Variants in RUVBL1 observed in about 807,000 individuals in gnomAD.
The protein encoded by RUVBL1 is ruvB-like 1.
A neutral mutation model predicts 52.4 loss-of-function variants in RUVBL1; 4 were observed. That is an observed-to-expected ratio of 0.08 (90% CI 0.04 to 0.17). The LOEUF (loss-of-function observed/expected upper bound fraction) is 0.17. Ranked by LOEUF, RUVBL1 falls within the 10% of genes least tolerant of loss-of-function variation. The probability of loss-of-function intolerance (pLI) is 1.00; values close to 1 mark genes in which losing one functional copy is unlikely to be tolerated. For synonymous variants in RUVBL1, 217 were observed against 214.4 expected (o/e 1.01, Z -0.10); for missense variants, 298 against 572.8 (o/e 0.52, Z 4.90).
chr3:128,152,426 T>G (rs1413197042), intron 1 of RUVBL1, among the ~76,000 whole-genome samples: 1 of 152,208 alleles, frequency 6.6e-6, no homozygotes. Context: ...AACTCCTAGA[T>G]GTCTTCCCTG....
chr3:128,107,856 A>C (rs1002098158), intron 3 of RUVBL1, among the ~76,000 whole-genome samples: 17 of 152,364 alleles, frequency 1.1e-4, no homozygotes, highest in African/African-American at 3.8e-4. Flanking sequence ...CCACAGCGAT[A>C]AATTCCTTCA....
intron 1 of RUVBL1, among the ~76,000 whole-genome samples, chr3:128,152,786 A>G (rs1559843036): frequency 6.6e-6 from 1 of 152,000 alleles, no homozygotes; most frequent in Non-Finnish European, 1.5e-5. Flanking sequence ...CAGCAGCAAG[A>G]TTTATTGTGA....
chr3:128,153,695 G>C, exon 1 of RUVBL1: 1 of 1,589,012 alleles, frequency 6.3e-7, no homozygotes. Context: ...CTGCCCGCGC[G>C]CCTGCGGTCG....
chr3:128,088,066 C>T (rs548220444), intron 8 of RUVBL1, among the ~76,000 whole-genome samples: 1 of 152,036 alleles, frequency 6.6e-6, no homozygotes, highest in South Asian at 2.1e-4. Context: ...AGTTCAAGAA[C>T]GGCTGGCCAA....
chr3:128,105,523 T>A (rs1943211738), intron 3 of RUVBL1, among the ~76,000 whole-genome samples: 1 of 152,134 alleles, frequency 6.6e-6, no homozygotes, highest in Non-Finnish European at 1.5e-5. Context: ...GGGGTGAAAT[T>A]TACCTTTAGC....
chr3:128,065,113 A>G, exon 10 of RUVBL1: 1 of 1,434,130 alleles, frequency 7.0e-7, no homozygotes, highest in Non-Finnish European at 9.8e-7. Flanking sequence ...GCAGTCCCCC[A>G]CTCTGTGGGG....
intron 9 of RUVBL1, chr3:128,083,357 C>T (rs990953720): frequency 3.3e-5 from 5 of 152,178 alleles, no homozygotes; most frequent in Non-Finnish European, 7.3e-5. Flanking sequence ...ATCAAGAAGC[C>T]CTTGTTGAAA....
intron 9 of RUVBL1, among the ~76,000 whole-genome samples, chr3:128,086,017 T>C (rs187974647): frequency 6.6e-6 from 1 of 152,294 alleles, no homozygotes; most frequent in East Asian, 1.9e-4. Context: ...CTCATCTGTC[T>C]TTTTTTGAGA....
intron 3 of RUVBL1, among the ~76,000 whole-genome samples, chr3:128,111,133 G>A (rs150413497): frequency 0.016 from 2,425 of 151,326 alleles, 49 homozygotes; most frequent in African/African-American, 0.056. Context: ...GCTGAGGCAC[G>A]AGAATCGCTT....
chr3:128,087,756 G>T lies in RUVBL1; in HGVS notation c.1069C>A (p.Arg357=), dbSNP rs949710384. 1.1e-5 allele frequency: 17 copies of T among 1,613,858 alleles called. No individual in the cohort carries two copies. The highest frequency in any genetic ancestry group is 1.4e-5 in the Non-Finnish European group (16 of 1,179,980). ...AGCATGGTCCGGATTATCATCACTC[G>T]GTCCAGAAGGTCAAGAGGGATGCCG... ...PHGIPLDLLD[R]VMIIRTMLYT... Residue 357 remains arginine, a synonymous_variant, in exon 9 of 11, where the codon CGA becomes AGA. Coordinates refer to ENST00000322623, the MANE Select transcript of RUVBL1 (RefSeq NM_003707.3).
At chr3:128,109,978 G>A (rs530232088) in intron 3 of RUVBL1, among the ~76,000 whole-genome samples, 15 of 151,748 alleles carry the variant, frequency 9.9e-5, no homozygotes, top group African/African-American at 2.4e-4. Flanking sequence ...ACCATGCCCC[G>A]CTAATTTTTT....
rs953610795 is a variant in RUVBL1 at position 128,087,642 on chromosome 3, C to G, written c.1119+64G>C. ...TCCAAGCCGCAGATACCTTTCTGCACAGCCACCAGTGAACACTGGGAGCAA... is the reference window on the plus strand; with the variant it reads ...TCCAAGCCGCAGATACCTTTCTGCAGAGCCACCAGTGAACACTGGGAGCAA... On this transcript the variant is annotated intron_variant, in intron 9 of 10. Coordinates refer to ENST00000322623, the MANE Select transcript of RUVBL1 (RefSeq NM_003707.3). The G allele has an allele frequency of 3.0e-6, 4 of 1,322,820 alleles. No homozygotes were observed. In the African/African-American group the frequency reaches 5.9e-5, roughly 19 times the overall value. The allele number at this position is 1,322,820 out of a possible 1,614,324, so 81.9% of individuals were successfully genotyped here.
chr3:128,065,071 G>A, exon 10 of RUVBL1: 2 of 1,610,874 alleles, frequency 1.2e-6, no homozygotes, highest in Non-Finnish European at 1.7e-6. Flanking sequence ...GAGTTTCCAT[G>A]GTCTGGATTT....
chr3:128,141,034 A>G (rs1944013343), intron 1 of RUVBL1, among the ~76,000 whole-genome samples: 1 of 152,100 alleles, frequency 6.6e-6, no homozygotes, highest in South Asian at 2.1e-4. Context: ...TTTTTATTGT[A>G]TTTATTTTTG....
rs749955760 is a variant in RUVBL1, at chr3:128,082,523, G to C, written c.1171C>G (p.Leu391Val). 6.2e-7 allele frequency: 1 copy of C among 1,613,996 alleles called. No homozygotes were observed. Among genetic ancestry groups the C allele is most frequent in the East Asian group, 2.2e-5 (1 of 44,886 alleles). ...GTGCCAATCTCCCCCAGGTGGTTCA[G>C]TGCCTCCTCACTGATGTTGATTCCT... ...TEGINISEEA[L>V]NHLGEIGTKT... Residue 391 changes from leucine to valine, a missense_variant, in exon 10 of 11, where the codon CTG (leucine) becomes GTG (valine). Coordinates refer to ENST00000322623, the MANE Select transcript of RUVBL1 (RefSeq NM_003707.3). This position sits in a 1 kb window ranked among gnomAD's most constrained non-coding sequence, Gnocchi z 4.7.
chr3:128,142,774 C>CT (rs1559837766), intron 1 of RUVBL1, among the ~76,000 whole-genome samples: 1 of 152,126 alleles, frequency 6.6e-6, no homozygotes, highest in Non-Finnish European at 1.5e-5. Context: ...TCTGACCCTC[C>CT]TGCCTCTCTC....
chr3:128,066,116 T>G (rs1941970197), intron 9 of RUVBL1, among the ~76,000 whole-genome samples: 4 of 152,120 alleles, frequency 2.6e-5, no homozygotes, highest in Non-Finnish European at 5.9e-5. Flanking sequence ...AAATAAACCC[T>G]TTCTAGTCTC....
intron 7 of RUVBL1, 134 bp downstream of exon 7, chr3:128,098,748 C>T: frequency 5.3e-6 from 4 of 756,190 alleles, no homozygotes; most frequent in Non-Finnish European, 9.0e-6. Flanking sequence ...GAGTCAAGCT[C>T]TAAGCTATGA....
At chr3:128,089,039 G>A (rs1942745486) in intron 8 of RUVBL1, among the ~76,000 whole-genome samples, 1 of 152,146 alleles carries the variant, frequency 6.6e-6, no homozygotes, top group Non-Finnish European at 1.5e-5. Context: ...GCACTACCGA[G>A]TATTCTCATT....
Sources: allele counts gnomAD v4.1 joint callset (sites outside exome capture counted in the v4.1 genomes callset), GRCh38; gene constraint gnomAD v4.1.1; non-coding constraint Gnocchi (gnomAD v3.1); transcripts MANE v1.5; gene names NCBI Gene and HGNC (gene_info 2026-07-23, HGNC 2026-07-21).